The following DZIP1 variants were observed in gnomAD, a reference collection of about 807,000 sequenced individuals.
DZIP1 encodes cilium assembly protein DZIP1.
In DZIP1, 97 loss-of-function variants were observed where a neutral mutation model predicts 107.6. That is an observed-to-expected ratio of 0.90 (90% CI 0.77 to 1.07). The LOEUF (loss-of-function observed/expected upper bound fraction) is 1.07, where lower values mean the gene tolerates loss of function less well. Among genes scored for constraint, DZIP1 ranks in the 50% least tolerant of loss-of-function variants. DZIP1 has a pLI of 0.00. For missense variants in DZIP1, 1,035 were observed against 1,063.6 expected, an observed-to-expected ratio of 0.97 and a Z score of 0.37; for synonymous variants, 390 against 386.4, an observed-to-expected ratio of 1.01 and a Z score of -0.11.
intron 14 of DZIP1, 115 bp from the exon 15 acceptor site, chr13:95,599,539 T>G: frequency 1.1e-6 from 1 of 893,000 alleles, no homozygotes; most frequent in Non-Finnish European, 1.8e-6. Flanking sequence ...CATGCCTGAA[T>G]AGCAAGAATT....
At position 95,579,276 on chromosome 13, in the gene DZIP1, A is replaced by AG. The variant is rs1227030006; in HGVS notation, c.*2957dup. 6.6e-6 allele frequency: 1 copy of AG among 152,236 alleles called. No homozygotes were observed. The highest frequency in any genetic ancestry group is 1.5e-5 in the Non-Finnish European group (1 of 68,056). 9.4% of individuals were successfully genotyped at this position (152,236 alleles called of 1,614,324 possible). A position where few individuals can be genotyped will look rare whatever the true frequency, so the allele number is the denominator to read the frequency against. ...TAACTGAGAGACTTGTCATTTCTAA[A>AG]GACATTTAAGTTGCTCCAGGGATTT... On this transcript the variant is annotated 3_prime_UTR_variant, in exon 23 of 23. Transcript: ENST00000376829.
intron 6 of DZIP1, among the ~76,000 whole-genome samples, 155 bp from the exon 7 acceptor site, chr13:95,630,268 T>C (rs1249303547): frequency 6.6e-6 from 1 of 152,230 alleles, no homozygotes; most frequent in Non-Finnish European, 1.5e-5. Flanking sequence ...TTTTGCTCTT[T>C]AGTTTATTTG....
chr13:95,584,105 T>C (rs1014102447), intron 22 of DZIP1, among the ~76,000 whole-genome samples: 1 of 151,848 alleles, frequency 6.6e-6, no homozygotes, highest in Non-Finnish European at 1.5e-5. Flanking sequence ...GCCTCCCAAG[T>C]AGCTAGGACT....
At chr13:95,583,456 T>A (rs1258262270) in intron 22 of DZIP1, among the ~76,000 whole-genome samples, 4 of 152,092 alleles carry the variant, frequency 2.6e-5, no homozygotes, top group East Asian at 1.9e-4. Flanking sequence ...GAGCTACCAC[T>A]AATGAAGGTG....
chr13:95,629,927 T>C (rs1876993788), intron 7 of DZIP1, 62 bp downstream of exon 7: 3 of 1,505,216 alleles, frequency 2.0e-6, no homozygotes, highest in Non-Finnish European at 2.7e-6. Flanking sequence ...TTAGAGTCCA[T>C]GGCATAATTG....
chr13:95,622,157 G>T (rs1447176499), intron 9 of DZIP1, among the ~76,000 whole-genome samples, 186 bp downstream of exon 9: 1 of 152,154 alleles, frequency 6.6e-6, no homozygotes, highest in Non-Finnish European at 1.5e-5. Flanking sequence ...TATGCTATTT[G>T]CCAACAGCAA....
chr13:95,619,531 A>G (rs934131595), intron 10 of DZIP1, among the ~76,000 whole-genome samples: 2 of 152,226 alleles, frequency 1.3e-5, no homozygotes, highest in East Asian at 3.8e-4. Context: ...TAAAACCTTC[A>G]GAAGGAAAGG....
At chr13:95,605,321 T>C (rs1306137927) in intron 14 of DZIP1, among the ~76,000 whole-genome samples, 1 of 152,228 alleles carries the variant, frequency 6.6e-6, no homozygotes, top group Non-Finnish European at 1.5e-5. Context: ...CTTAATTCAT[T>C]TGTAATATCC....
intron 10 of DZIP1, among the ~76,000 whole-genome samples, chr13:95,612,634 G>A (rs2045050244): frequency 7.9e-5 from 12 of 152,068 alleles, no homozygotes; most frequent in Admixed American, 7.9e-4. Context: ...ACCCAGGCTG[G>A]AGTGCAGTGG....
At chr13:95,595,851 G>A (rs2044439579) in intron 15 of DZIP1, among the ~76,000 whole-genome samples, 1 of 152,194 alleles carries the variant, frequency 6.6e-6, no homozygotes, top group South Asian at 2.1e-4. Context: ...ACAGGGGCAA[G>A]CGATGCCTGG....
At chr13:95,633,183 AG>A in intron 6 of DZIP1, 50 bp downstream of exon 6, 1 of 1,546,166 alleles carries the variant, frequency 6.5e-7, no homozygotes, top group Non-Finnish European at 8.9e-7. Flanking sequence ...CATTGCCAAA[AG>A]AAAAAGGGAG....
intron 19 of DZIP1, 96 bp downstream of exon 19, chr13:95,589,058 T>G (rs2044240693): frequency 1.0e-6 from 1 of 961,838 alleles, no homozygotes; most frequent in Admixed American, 2.3e-5. Flanking sequence ...TAATTACGGC[T>G]TCATTCAACC....
At chr13:95,625,169 G>A (rs1389183768) in intron 7 of DZIP1, among the ~76,000 whole-genome samples, 3 of 152,134 alleles carry the variant, frequency 2.0e-5, no homozygotes, top group Non-Finnish European at 4.4e-5. Context: ...GACGCCCAAA[G>A]CCTCCAGCTT....
At position 95,582,188 on chromosome 13, in the gene DZIP1, T is replaced by G. The variant is rs1161038412; in HGVS notation, c.*46A>C. The G allele has an allele frequency of 6.3e-7, 1 of 1,575,744 alleles. No homozygotes were observed. The highest frequency in any genetic ancestry group is 1.1e-5 in the South Asian group (1 of 90,254). On this transcript the variant is annotated 3_prime_UTR_variant, in exon 23 of 23. Transcript: ENST00000376829. ...GAGGCAAATTACTGAAACACTGTGA[T>G]ACTGAAATACTGCTGGCTTCTGGAA...
rs149056253 is a variant in DZIP1, at chr13:95,583,321, G to A, written c.2525-1008C>T. Among the ~76,000 whole-genome samples, 313 of 151,856 alleles carry A rather than the reference G, an allele frequency of 2.1e-3. 3 individuals carry two copies. Among genetic ancestry groups the A allele is most frequent in the African/African-American group, 7.2e-3 (299 of 41,436 alleles). On this transcript the variant is annotated intron_variant, in intron 22 of 22. Transcript: ENST00000376829. ...GGAGTACAAAAACAGTGAAGAAGGC[G>A]TGAGAGGTGCGGTGGGTGGTGAAAA...
intron 15 of DZIP1, among the ~76,000 whole-genome samples, chr13:95,597,270 T>C (rs923764416): frequency 6.1e-5 from 9 of 147,370 alleles, no homozygotes; most frequent in Non-Finnish European, 1.3e-4. Context: ...GTTTTTCAAA[T>C]GAGTGTGAAC....
chr13:95,624,916 T>G lies in DZIP1; in HGVS notation c.824A>C (p.Gln275Pro), dbSNP rs1420329753. ...CAAAAAGTCTTCCTCTTTTGTTTTC[T>G]GCATTTCATATTCCTGAAATTATTT... ...AVRFSKEYEM[Q>P]KTKEEDFLKL... The change falls in exon 8 of 23, where the codon CAG (glutamine) becomes CCG (proline). Residue 275 changes from glutamine to proline, a missense_variant. Physicochemically the swap from Gln to Pro is moderately conservative, Grantham distance 76. Transcript: ENST00000376829. 4 of 1,600,964 alleles carry G rather than the reference T, an allele frequency of 2.5e-6. No individual in the cohort carries two copies. In the Admixed American group the frequency reaches 7.0e-5, roughly 28 times the overall value.
intron 8 of DZIP1, among the ~76,000 whole-genome samples, chr13:95,624,170 T>C (rs2139290552): frequency 6.6e-6 from 1 of 152,278 alleles, no homozygotes; most frequent in South Asian, 2.1e-4. Flanking sequence ...CCTTTCTCCG[T>C]TTTCCCCAAA....
intron 16 of DZIP1, among the ~76,000 whole-genome samples, chr13:95,592,392 C>T (rs887542334): frequency 6.6e-6 from 1 of 152,146 alleles, no homozygotes; most frequent in Admixed American, 6.5e-5. Flanking sequence ...TGCACAGGAA[C>T]CACACACATT....
Sources: gnomAD v4.1 joint callset for allele counts (sites outside exome capture counted in the v4.1 genomes callset) on GRCh38, gnomAD v4.1.1 for gene constraint, MANE v1.5 for transcripts, NCBI Gene and HGNC (gene_info 2026-07-23, HGNC 2026-07-21) for gene names.